Variants in EEFSEC observed in about 807,000 individuals in gnomAD.
The protein encoded by EEFSEC is selenocysteine-specific elongation factor.
EEFSEC carries 43 observed loss-of-function variants against 42.1 expected under a neutral mutation model. The observed-to-expected ratio is 1.02, with a 90% CI of 0.80 to 1.32. EEFSEC has a LOEUF of 1.32. Among genes scored for constraint, EEFSEC ranks in the 40% most tolerant of loss-of-function variants. The probability of loss-of-function intolerance (pLI) is 0.00; values close to 1 mark genes in which losing one functional copy is unlikely to be tolerated. For synonymous variants in EEFSEC, 354 were observed against 339.1 expected (o/e 1.04, Z -0.48); for missense variants, 745 against 803.6 (o/e 0.93, Z 0.88).
chr3:128,220,588 C>T (rs1404722897), intron 1 of EEFSEC, among the ~76,000 whole-genome samples: 3 of 152,180 alleles, frequency 2.0e-5, no homozygotes, highest in Non-Finnish European at 4.4e-5. Flanking sequence ...CCTCCACATG[C>T]AAGAAGCCTC....
At chr3:128,385,327 G>A (rs1444249299) in intron 6 of EEFSEC, among the ~76,000 whole-genome samples, 1 of 152,230 alleles carries the variant, frequency 6.6e-6, no homozygotes, top group East Asian at 1.9e-4. Flanking sequence ...AGCGGGGAGT[G>A]TGGTGTACAG....
At chr3:128,263,579 C>A (rs2066320834) in intron 3 of EEFSEC, among the ~76,000 whole-genome samples, 1 of 152,186 alleles carries the variant, frequency 6.6e-6, no homozygotes, top group Admixed American at 6.5e-5. Context: ...TTGTATATTC[C>A]TTTAAGAAGC....
At chr3:128,341,978 A>C in intron 5 of EEFSEC, 89 bp downstream of exon 5, 1 of 1,493,926 alleles carries the variant, frequency 6.7e-7, no homozygotes, top group Non-Finnish European at 8.9e-7. Flanking sequence ...TGAGAGCCAG[A>C]AAGGCCCTCA....
intron 4 of EEFSEC, among the ~76,000 whole-genome samples, chr3:128,290,402 G>A (rs185491476): frequency 1.3e-5 from 2 of 152,106 alleles, no homozygotes; most frequent in East Asian, 1.9e-4. Context: ...CTGAATATGT[G>A]TGGGTCTACT....
At chr3:128,264,957 A>C (rs2811542) in intron 4 of EEFSEC, among the ~76,000 whole-genome samples, 176 bp downstream of exon 4, 127,457 of 151,784 alleles carry the variant, frequency 0.84, 53,976 homozygotes, top group East Asian at 0.99. Context: ...AAGTCTTTCA[A>C]CTCAGATTCT....
chr3:128,321,805 A>AG (rs1399536233), intron 4 of EEFSEC, among the ~76,000 whole-genome samples: 1 of 152,194 alleles, frequency 6.6e-6, no homozygotes, highest in Non-Finnish European at 1.5e-5. Flanking sequence ...TGTGGAAGAC[A>AG]GACTTTAAAC....
chr3:128,386,491 T>A (rs1033103877), intron 6 of EEFSEC, among the ~76,000 whole-genome samples: 1 of 148,374 alleles, frequency 6.7e-6, no homozygotes, highest in African/African-American at 2.6e-5. Context: ...GGGGGGGGGA[T>A]GCAGTGACAG....
downstream of EEFSEC, among the ~76,000 whole-genome samples, chr3:128,412,941 T>C (rs2068184327): frequency 6.6e-6 from 1 of 152,116 alleles, no homozygotes; most frequent in Non-Finnish European, 1.5e-5. Context: ...GAAGGCTGTC[T>C]GCTGGGTGTG....
intron 1 of EEFSEC, among the ~76,000 whole-genome samples, chr3:128,185,717 A>G (rs1312222163): frequency 6.6e-6 from 1 of 152,180 alleles, no homozygotes; most frequent in Non-Finnish European, 1.5e-5. Flanking sequence ...GTTAGCTACC[A>G]CGCCTGGCCA....
At chr3:128,277,859 A>C (rs557584304) in intron 4 of EEFSEC, among the ~76,000 whole-genome samples, 13 of 152,308 alleles carry the variant, frequency 8.5e-5, no homozygotes, top group Middle Eastern at 3.4e-3. Context: ...TCAGGTCCGA[A>C]GGAGGAGGAA....
chr3:128,330,381 G>A (rs1452810210), intron 4 of EEFSEC, among the ~76,000 whole-genome samples: 4 of 152,164 alleles, frequency 2.6e-5, no homozygotes, highest in African/African-American at 9.7e-5. Context: ...CTGAGGATCG[G>A]TGGTGAGCAA....
At position 128,253,493 on chromosome 3, in the gene EEFSEC, T is replaced by A. The variant is rs942203473; in HGVS notation, c.524+6450T>A. Among the ~76,000 whole-genome samples, 31 of 152,178 alleles carry A rather than the reference T, an allele frequency of 2.0e-4. 1 individual carries two copies. The highest frequency in any genetic ancestry group is 1.8e-3 in the Admixed American group (28 of 15,284). On this transcript the variant is annotated intron_variant, in intron 2 of 6. Transcript: ENST00000254730. Reference sequence around the variant, plus strand: ...AACCCCTGCCCATGGACTATTGAGATGGTATGGACACCACCAAGCTTGGTG... The same window carrying A: ...AACCCCTGCCCATGGACTATTGAGAAGGTATGGACACCACCAAGCTTGGTG...
Position 128,341,814 on chromosome 3 carries a change from C to T in EEFSEC, c.1368C>T (p.Asp456=). ...GCATCCTGCTCCACGGGCTAGAGGA[C>T]AGGAACTACGCCGACAGCTTCCTGC... The part of the protein sequence containing the change: ...FHGILLHGLE[D]RNYADSFLPR... The change falls in exon 5 of 7, where the codon GAC becomes GAT. Residue 456 remains aspartate, a synonymous_variant. Coordinates refer to ENST00000254730, the MANE Select transcript of EEFSEC (RefSeq NM_021937.5). 1 of 1,614,078 alleles carries T rather than the reference C, an allele frequency of 6.2e-7. No homozygotes were observed. Among genetic ancestry groups the T allele is most frequent in the African/African-American group, 1.3e-5 (1 of 75,076 alleles).
intron 1 of EEFSEC, among the ~76,000 whole-genome samples, chr3:128,194,843 G>C (rs2065564992): frequency 6.6e-6 from 1 of 152,178 alleles, no homozygotes; most frequent in Admixed American, 6.5e-5. Context: ...GTTAACAGTA[G>C]CTAACATTAG....
chr3:128,360,344 C>G (rs1398803205), intron 6 of EEFSEC, among the ~76,000 whole-genome samples: 1 of 152,192 alleles, frequency 6.6e-6, no homozygotes, highest in Non-Finnish European at 1.5e-5. Flanking sequence ...CCAAGGGCCT[C>G]GTGCCTATGC....
chr3:128,232,723 G>A (rs2065971110), intron 1 of EEFSEC, among the ~76,000 whole-genome samples: 1 of 152,192 alleles, frequency 6.6e-6, no homozygotes, highest in South Asian at 2.1e-4. Context: ...AACGGGAGTT[G>A]TACTGTTGTG....
chr3:128,235,239 A>T (rs1576568302), intron 1 of EEFSEC, among the ~76,000 whole-genome samples: 1 of 147,534 alleles, frequency 6.8e-6, no homozygotes, highest in Non-Finnish European at 1.5e-5. Context: ...TAATTTTTGT[A>T]TTTTTTTTTT....
At chr3:128,339,969 A>G (rs574938076) in intron 4 of EEFSEC, among the ~76,000 whole-genome samples, 2 of 152,330 alleles carry the variant, frequency 1.3e-5, no homozygotes, top group South Asian at 2.1e-4. Flanking sequence ...AAGCACCCCT[A>G]CAATTCAATT....
intron 6 of EEFSEC, among the ~76,000 whole-genome samples, chr3:128,370,426 G>A (rs2067640507): frequency 6.6e-6 from 1 of 152,162 alleles, no homozygotes; most frequent in Non-Finnish European, 1.5e-5. Flanking sequence ...GGATGCCTCT[G>A]TGGCCTGGGA....
Sources: allele counts gnomAD v4.1 joint callset (sites outside exome capture counted in the v4.1 genomes callset), GRCh38; gene constraint gnomAD v4.1.1; transcripts MANE v1.5; gene names NCBI Gene and HGNC (gene_info 2026-07-23, HGNC 2026-07-21).